The following FSIP2 variants were observed in gnomAD, a reference collection of about 807,000 sequenced individuals.
The protein encoded by FSIP2 is fibrous sheath-interacting protein 2.
In FSIP2, 367 loss-of-function variants were observed where a neutral mutation model predicts 510.5. The observed-to-expected ratio is 0.72, with a 90% CI of 0.66 to 0.78. FSIP2 has a LOEUF of 0.78. Among genes scored for constraint, FSIP2 ranks in the 30% least tolerant of loss-of-function variants. FSIP2 has a pLI of 0.00. For synonymous variants in FSIP2, 2,601 were observed against 2,732.2 expected (o/e 0.95, Z 1.50); for missense variants, 7,594 against 7,901.7 (o/e 0.96, Z 1.48).
intron 9 of FSIP2, among the ~76,000 whole-genome samples, chr2:185,759,306 T>G (rs1217505932): frequency 6.7e-6 from 1 of 150,212 alleles, no homozygotes; most frequent in Non-Finnish European, 1.5e-5. Flanking sequence ...TCTGTTAATA[T>G]TATAAATTAC....
chr2:185,807,620 G>A lies in FSIP2; in HGVS notation c.18314G>A (p.Cys6105Tyr). 3 of 1,612,946 alleles carry A rather than the reference G, an allele frequency of 1.9e-6. No homozygotes were observed. The highest frequency in any genetic ancestry group is 2.5e-6 in the Non-Finnish European group (3 of 1,179,318). Reference sequence around the variant, plus strand: ...GGATCACAAGAGATTATACAAAATTGTGTAACCAGTGGATGCAAAATCCTT... The same window carrying A: ...GGATCACAAGAGATTATACAAAATTATGTAACCAGTGGATGCAAAATCCTT... Reference protein sequence around the residue: ...QFGSQEIIQNCVTSGCKILSE... With the variant: ...QFGSQEIIQNYVTSGCKILSE... Residue 6105 changes from cysteine (C) to tyrosine (Y), a missense_variant, in exon 17 of 23, where the codon TGT (cysteine) becomes TAT (tyrosine). Coordinates refer to ENST00000424728, the MANE Select transcript of FSIP2 (RefSeq NM_173651.4).
Position 185,805,248 on chromosome 2 carries a change from ACTTGCAAATT to A in FSIP2, c.15945_15954del (p.Ala5316Ter). The A allele has an allele frequency of 1.3e-6, 2 of 1,590,888 alleles. No homozygotes were observed. The highest frequency in any genetic ancestry group is 1.7e-6 in the Non-Finnish European group (2 of 1,172,046). ...TAGATATTATGGGCTTGGCTCTAAA[ACTTGCAAATT>A]CTCTGATAAGGGAATTTAAGAAAAG... On this transcript the variant is annotated frameshift_variant, in exon 17 of 23. Coordinates refer to ENST00000424728, the MANE Select transcript of FSIP2 (RefSeq NM_173651.4). LOFTEE classifies it high-confidence loss of function.
chr2:185,813,137 A>G (rs1693769009), intron 17 of FSIP2, among the ~76,000 whole-genome samples: 1 of 152,044 alleles, frequency 6.6e-6, no homozygotes, highest in South Asian at 2.1e-4. Flanking sequence ...AGATCAGTGA[A>G]TATGTTGCCC....
In FSIP2 at chr2:185,794,169, C is replaced by G; in HGVS notation, c.7033C>G (p.Gln2345Glu). The G allele has an allele frequency of 6.5e-7, 1 of 1,534,354 alleles. No individual in the cohort carries two copies. The change falls in exon 16 of 23, where the codon CAA (glutamine) becomes GAA (glutamate). Residue 2345 changes from glutamine (Q) to glutamate (E), a missense_variant. By Grantham distance (29) the Gln-to-Glu change is conservative (BLOSUM62 2). Coordinates refer to ENST00000424728, the MANE Select transcript of FSIP2 (RefSeq NM_173651.4). ...ACTTGGATCCACAATTCACCTATCG[C>G]AAGCTAGGCTTAAGACATATGCTGA... ...EKLGSTIHLS[Q>E]ARLKTYADVI...
intron 2 of FSIP2, 69 bp from the exon 3 acceptor site, chr2:185,743,064 A>C (rs1691954895): frequency 3.9e-6 from 4 of 1,034,478 alleles, no homozygotes; most frequent in Non-Finnish European, 5.3e-6. Flanking sequence ...TGAACATTCT[A>C]ATCATTTTGA....
At position 185,828,141 on chromosome 2, in the gene FSIP2, T is replaced by C; in HGVS notation, c.20474-15T>C. ...GAAAGAGACTATTTTACTTTTTTTT[T>C]TTTAATCTCTACAGAAAGTTCTCAG... On this transcript the variant is annotated splice_polypyrimidine_tract_variant and intron_variant, in intron 20 of 22. Transcript: ENST00000424728. The C allele has an allele frequency of 6.6e-7, 1 of 1,509,372 alleles. No homozygotes were observed. The highest frequency in any genetic ancestry group is 9.2e-7 in the Non-Finnish European group (1 of 1,092,540). 93.5% of individuals were successfully genotyped at this position (1,509,372 alleles called of 1,614,324 possible).
At chr2:185,766,379 C>CA (rs1424484421) in intron 13 of FSIP2, 1 of 148,786 alleles carries the variant, frequency 6.7e-6, no homozygotes, top group Non-Finnish European at 1.5e-5. Flanking sequence ...AGTGAACAGG[C>CA]AACCTACAAA....
At position 185,765,596 on chromosome 2, in the gene FSIP2, C is replaced by G. The variant is rs375740946; in HGVS notation, c.1411+1031C>G. 5.3e-5 allele frequency: 8 copies of G among 152,020 alleles called. No individual in the cohort carries two copies. In the East Asian group the frequency reaches 9.7e-4, roughly 18 times the overall value. The allele number at this position is 152,020 out of a possible 1,614,324, so 9.4% of individuals were successfully genotyped here. On this transcript the variant is annotated intron_variant, in intron 13 of 22. Coordinates refer to ENST00000424728, the MANE Select transcript of FSIP2 (RefSeq NM_173651.4). The stretch of plus-strand genomic sequence containing the variant: ...GTAGTGTGATGCCTCCAGCTTTGTT[C>G]TTTTGGCTTAGGATTGAATTGGTGA...
At chr2:185,739,024 C>T (rs1691861623) in intron 1 of FSIP2, 31 bp downstream of exon 1, 3 of 1,522,326 alleles carry the variant, frequency 2.0e-6, no homozygotes, top group African/African-American at 1.4e-5. Flanking sequence ...CGGCGTCGCC[C>T]TCTGGCGGCC....
Position 185,788,679 on chromosome 2 carries a change from G to GT in FSIP2, c.1544dup (p.Met516AsnfsTer20). 1 of 1,524,254 alleles carries GT rather than the reference G, an allele frequency of 6.6e-7. No homozygotes were observed. Among genetic ancestry groups the GT allele is most frequent in the Non-Finnish European group, 8.8e-7 (1 of 1,142,002 alleles). 94.4% of individuals were successfully genotyped at this position (1,524,254 alleles called of 1,614,324 possible). A position where few individuals can be genotyped will look rare whatever the true frequency, so the allele number is the denominator to read the frequency against. On this transcript the variant is annotated frameshift_variant, in exon 16 of 23. Coordinates refer to ENST00000424728, the MANE Select transcript of FSIP2 (RefSeq NM_173651.4). LOFTEE classifies it high-confidence loss of function. The stretch of plus-strand genomic sequence containing the variant: ...AGAACTGAATATTATAATTCAGAAT[G>GT]TAATGACCTGGGTTGTGGCTACAGT...
chr2:185,738,602 C>G (rs1195553329), upstream of FSIP2: 37 of 1,535,536 alleles, frequency 2.4e-5, no homozygotes, highest in Non-Finnish European at 3.1e-5. Context: ...TTAGGATTGG[C>G]TAAGGCGTGA....
chr2:185,745,638 G>C (rs1176229080), intron 5 of FSIP2, 70 bp downstream of exon 5: 2 of 1,320,988 alleles, frequency 1.5e-6, no homozygotes, highest in Non-Finnish European at 2.0e-6. Flanking sequence ...ATACTAGAAA[G>C]AATTGAAGAC....
At position 185,800,571 on chromosome 2, in the gene FSIP2, T is replaced by C. The variant is rs563374754; in HGVS notation, c.11265T>C (p.Val3755=). 3.3e-6 allele frequency: 5 copies of C among 1,529,316 alleles called. No homozygotes were observed. The East Asian group carries it at 7.4e-5, about 22-fold the overall frequency. 94.7% of individuals were successfully genotyped at this position (1,529,316 alleles called of 1,614,324 possible). Residue 3755 remains valine, a synonymous_variant, in exon 17 of 23, where the codon GTT becomes GTC. Transcript: ENST00000424728. The stretch of plus-strand genomic sequence containing the variant: ...CAAAATCAGTTTTTCTTCTCAATGT[T>C]GTATGTGAGAAACTTATCAGAATAC... The part of the protein sequence containing the change: ...LSSKSVFLLN[V]VCEKLIRILL...
Position 185,747,216 on chromosome 2 carries a change from G to A in FSIP2, c.760-97G>A, listed in dbSNP as rs574928567. 21 of 669,246 alleles carry A rather than the reference G, an allele frequency of 3.1e-5. No individual in the cohort carries two copies. In the East Asian group the frequency reaches 3.3e-4, roughly 10 times the overall value. 41.5% of individuals were successfully genotyped at this position (669,246 alleles called of 1,614,324 possible). ...TTATGCTTAACCTGATTTCTGTTAG[G>A]CCCTGACTTGTTTAATATACTTTTT... On this transcript the variant is annotated intron_variant, in intron 6 of 22. Coordinates refer to ENST00000424728, the MANE Select transcript of FSIP2 (RefSeq NM_173651.4).
rs1348975189 is a variant in FSIP2, at chr2:185,790,692, T to A, written c.3556T>A (p.Ser1186Thr). ...NILHKASNYI[S>T]NTTKSSISSS... ...ACTTCATAAGGCATCAAACTACATTTCCAATACCACTAAAAGTTCCATTTC... is the reference window on the plus strand; with the variant it reads ...ACTTCATAAGGCATCAAACTACATTACCAATACCACTAAAAGTTCCATTTC... Residue 1186 changes from serine to threonine, a missense_variant, in exon 16 of 23, where the codon TCC becomes ACC. By Grantham distance (58) the Ser-to-Thr change is moderately conservative. Coordinates refer to ENST00000424728, the MANE Select transcript of FSIP2 (RefSeq NM_173651.4). 1 of 1,534,078 alleles carries A rather than the reference T, an allele frequency of 6.5e-7. No individual in the cohort carries two copies. Among genetic ancestry groups the A allele is most frequent in the Admixed American group, 2.0e-5 (1 of 50,848 alleles).
In FSIP2 at chr2:185,754,634, A is replaced by G. The variant is rs183186491; in HGVS notation, c.991+792A>G. On this transcript the variant is annotated intron_variant, in intron 8 of 22. Coordinates refer to ENST00000424728, the MANE Select transcript of FSIP2 (RefSeq NM_173651.4). ...TTCTTCCTCCACCCTTAAAGCTATT[A>G]CCTATTAAATGAAGCTCAGACTGCT... 5.9e-5 allele frequency among the ~76,000 whole-genome samples: 9 copies of G among 151,546 alleles called. No homozygotes were observed. The East Asian group carries it at 1.8e-3, about 30-fold the overall frequency.
chr2:185,777,262 G>T (rs1020957356), intron 13 of FSIP2, among the ~76,000 whole-genome samples: 23 of 152,030 alleles, frequency 1.5e-4, no homozygotes, highest in African/African-American at 5.3e-4. Flanking sequence ...TCAGCAGAGG[G>T]CTTAATATTT....
chr2:185,820,167 AT>A (rs1664583480), intron 19 of FSIP2, among the ~76,000 whole-genome samples: 2 of 151,884 alleles, frequency 1.3e-5, no homozygotes, highest in Non-Finnish European at 2.9e-5. Context: ...CATTGGGGTG[AT>A]TACTCCTATG....
At chr2:185,810,084 G>A (rs1693694241) in intron 17 of FSIP2, among the ~76,000 whole-genome samples, 1 of 152,108 alleles carries the variant, frequency 6.6e-6, no homozygotes, top group Middle Eastern at 3.4e-3. Context: ...CATGCCTCCT[G>A]GAGCATAAGC....
Sources: allele counts gnomAD v4.1 joint callset (sites outside exome capture counted in the v4.1 genomes callset), GRCh38; gene constraint gnomAD v4.1.1; transcripts MANE v1.5; gene names NCBI Gene and HGNC (gene_info 2026-07-23, HGNC 2026-07-21).